AGBL2: variants seen among roughly 807,000 people sequenced by gnomAD.
AGBL2 encodes the protein cytosolic carboxypeptidase 2.
Under a neutral mutation model 103.0 loss-of-function variants are expected in AGBL2, and 87 were observed. The ratio of observed to expected loss-of-function variants is 0.84; its 90% CI spans 0.71 to 1.01. The LOEUF (loss-of-function observed/expected upper bound fraction) is 1.01, where lower values mean the gene tolerates loss of function less well. AGBL2 is among the 50% of genes least tolerant of loss of function. AGBL2 has a pLI of 0.00. For synonymous variants in AGBL2, 335 were observed against 356.7 expected (o/e 0.94, Z 0.69); for missense variants, 904 against 1,023.5 (o/e 0.88, Z 1.59).
chr11:47,696,960 C>T (rs1252219385), intron 8 of AGBL2, among the ~76,000 whole-genome samples: 1 of 151,988 alleles, frequency 6.6e-6, no homozygotes, highest in Non-Finnish European at 1.5e-5. Context: ...GATAGAGTCT[C>T]GCTCTGTCAC....
intron 14 of AGBL2, among the ~76,000 whole-genome samples, chr11:47,672,618 A>T (rs1171611755): frequency 6.6e-6 from 1 of 151,968 alleles, no homozygotes; most frequent in Non-Finnish European, 1.5e-5. Flanking sequence ...TCCAGCCGGC[A>T]TTTTGTTTTT....
chr11:47,668,772 C>T, intron 15 of AGBL2, 69 bp downstream of exon 15: 2 of 1,250,756 alleles, frequency 1.6e-6, no homozygotes, highest in East Asian at 2.3e-5. Flanking sequence ...AAAATTCCAA[C>T]AAATTGTCTG....
intron 10 of AGBL2, among the ~76,000 whole-genome samples, chr11:47,687,102 C>T: frequency 6.7e-6 from 1 of 149,168 alleles, no homozygotes; most frequent in Non-Finnish European, 1.5e-5. Context: ...ACATTGTGCA[C>T]ATGTACCCTG....
intron 8 of AGBL2, among the ~76,000 whole-genome samples, chr11:47,693,618 T>C (rs2097456249): frequency 2.0e-5 from 3 of 152,354 alleles, no homozygotes; most frequent in East Asian, 1.9e-4. Flanking sequence ...TTTTGATTAC[T>C]GTATGTTCGT....
chr11:47,714,615 G>A lies in AGBL2; in HGVS notation c.33+3C>T. The stretch of plus-strand genomic sequence containing the variant: ...TCTGTGGCTTTCCGTGTTGTGTACC[G>A]ACCTGCTTTAGGTGCGTTTCCAAAG... On this transcript the variant is annotated splice_donor_region_variant and intron_variant, in intron 2 of 18. Coordinates refer to ENST00000525123, the MANE Select transcript of AGBL2 (RefSeq NM_024783.4). The A allele has an allele frequency of 6.2e-7, 1 of 1,613,622 alleles. No individual in the cohort carries two copies. Among genetic ancestry groups the A allele is most frequent in the Non-Finnish European group, 8.5e-7 (1 of 1,179,920 alleles).
At chr11:47,698,557 T>C (rs926633284) in intron 8 of AGBL2, among the ~76,000 whole-genome samples, 92 of 152,286 alleles carry the variant, frequency 6.0e-4, no homozygotes, top group African/African-American at 2.1e-3. Context: ...GGTAGAAGCT[T>C]AGGTAATTGA....
At chr11:47,695,393 T>C (rs1265897139) in intron 8 of AGBL2, among the ~76,000 whole-genome samples, 8 of 147,878 alleles carry the variant, frequency 5.4e-5, no homozygotes, top group Non-Finnish European at 1.2e-4. Context: ...GAGAATCGCT[T>C]GAACCTGGGA....
chr11:47,686,716 T>A (rs1233521105), intron 10 of AGBL2, among the ~76,000 whole-genome samples: 2 of 151,672 alleles, frequency 1.3e-5, no homozygotes, highest in Non-Finnish European at 1.5e-5. Context: ...ATCCCAGCAC[T>A]TTGGTAGGCT....
At chr11:47,669,408 G>A (rs766033276) in intron 14 of AGBL2, among the ~76,000 whole-genome samples, 11 of 152,130 alleles carry the variant, frequency 7.2e-5, no homozygotes, top group African/African-American at 1.4e-4. Context: ...GGTGGCACAC[G>A]CCTGTAATCT....
chr11:47,660,237 G>A lies in AGBL2; in HGVS notation c.2645C>T (p.Ala882Val), dbSNP rs948482047. 3.1e-6 allele frequency: 5 copies of A among 1,614,210 alleles called. No homozygotes were observed. In the African/African-American group the frequency reaches 4.0e-5, roughly 13 times the overall value. The change falls in exon 19 of 19, where the codon GCC becomes GTC. Residue 882 changes from alanine to valine, a missense_variant. Transcript: ENST00000525123. ...KPNWPRSRYP[A>V]TKRGCAAMAA... ...CATGGCAGCACAGCCTCTCTTTGTGGCAGGATATCTGCTCCTAGGCCAGTT... is the reference window on the plus strand; with the variant it reads ...CATGGCAGCACAGCCTCTCTTTGTGACAGGATATCTGCTCCTAGGCCAGTT...
At chr11:47,681,841 C>T (rs372919703) in intron 12 of AGBL2, 128 bp downstream of exon 12, 1 of 1,166,988 alleles carries the variant, frequency 8.6e-7, no homozygotes, top group Admixed American at 2.6e-5. Context: ...TCAAATTTAG[C>T]ATAAGTCTAG....
chr11:47,679,759 A>G (rs931188760), intron 13 of AGBL2, among the ~76,000 whole-genome samples: 32 of 151,444 alleles, frequency 2.1e-4, no homozygotes, highest in African/African-American at 7.8e-4. Context: ...CTCCTGCCTC[A>G]GCCTCCCGAG....
intron 13 of AGBL2, among the ~76,000 whole-genome samples, chr11:47,677,880 C>T (rs1235544746): frequency 2.0e-5 from 3 of 152,174 alleles, no homozygotes; most frequent in South Asian, 2.1e-4. Context: ...ATTACATGAG[C>T]GGGAGGAACA....
At chr11:47,667,831 A>T in intron 15 of AGBL2, 135 bp from the exon 16 acceptor site, 1 of 979,796 alleles carries the variant, frequency 1.0e-6, no homozygotes, top group Non-Finnish European at 1.5e-6. Flanking sequence ...TTTGGAGAAT[A>T]AACAAACAGT....
In AGBL2 at chr11:47,699,439, A is replaced by G; in HGVS notation, c.694+7T>C. On this transcript the variant is annotated splice_region_variant and intron_variant, in intron 8 of 18. Transcript: ENST00000525123. ...TAACCATTCATTGTTCAGTGTAATGACAATACCTGAATCTAATTGATAGAC... is the reference window on the plus strand; with the variant it reads ...TAACCATTCATTGTTCAGTGTAATGGCAATACCTGAATCTAATTGATAGAC... 2.8e-6 allele frequency: 4 copies of G among 1,405,196 alleles called. No homozygotes were observed. Among genetic ancestry groups the G allele is most frequent in the Non-Finnish European group, 4.0e-6 (4 of 998,538 alleles). The allele number at this position is 1,405,196 out of a possible 1,614,324, so 87.0% of individuals were successfully genotyped here.
chr11:47,681,895 G>T, intron 12 of AGBL2, 74 bp downstream of exon 12: 1 of 1,542,848 alleles, frequency 6.5e-7, no homozygotes, highest in Non-Finnish European at 8.8e-7. Context: ...GCATTCAAAG[G>T]CATTTTATCT....
In AGBL2 at chr11:47,690,567, G is replaced by A. The variant is rs749057812; in HGVS notation, c.1140C>T (p.Thr380=). Residue 380 remains threonine, a synonymous_variant, in exon 10 of 19, where the codon ACC becomes ACT. Transcript: ENST00000525123. ...TGTCCTGGTCATATGGAAACTGAAT[G>A]GTCCACGTGAGACAGTAGAAGGGCT... The part of the protein sequence containing the change: ...GQQPFYCLTW[T]IQFPYDQDTC... 6.2e-7 allele frequency: 1 copy of A among 1,614,174 alleles called. No homozygotes were observed. Among genetic ancestry groups the A allele is most frequent in the South Asian group, 1.1e-5 (1 of 91,082 alleles).
intron 4 of AGBL2, among the ~76,000 whole-genome samples, chr11:47,707,407 C>T (rs1026275842): frequency 6.6e-6 from 1 of 152,188 alleles, no homozygotes; most frequent in Non-Finnish European, 1.5e-5. Context: ...GCCTCACAAT[C>T]ATGGCAGAAG....
rs1392686855 is a variant in AGBL2, at chr11:47,681,827, G to T, written c.1915+142C>A. 3.0e-6 allele frequency: 3 copies of T among 985,568 alleles called. No homozygotes were observed. In the Admixed American group the frequency reaches 8.4e-5, roughly 28 times the overall value. The allele number at this position is 985,568 out of a possible 1,614,324, so 61.1% of individuals were successfully genotyped here. ...AATATATTTCACATTCATATGTTGGGCACTCAAATTTAGCATAAGTCTAGA... is the reference window on the plus strand; with the variant it reads ...AATATATTTCACATTCATATGTTGGTCACTCAAATTTAGCATAAGTCTAGA... On this transcript the variant is annotated intron_variant, in intron 12 of 18. Transcript: ENST00000525123.
Sources: allele counts gnomAD v4.1 joint callset (sites outside exome capture counted in the v4.1 genomes callset), GRCh38; gene constraint gnomAD v4.1.1; transcripts MANE v1.5; gene names NCBI Gene and HGNC (gene_info 2026-07-23, HGNC 2026-07-21).